The following CEP85L variants were observed in gnomAD, a reference collection of about 807,000 sequenced individuals.
The protein encoded by CEP85L is centrosomal protein 85L, also known as centrosomal protein of 85 kDa-like.
A neutral mutation model predicts 100.3 loss-of-function variants in CEP85L; 60 were observed. The ratio of observed to expected loss-of-function variants is 0.60; its 90% CI spans 0.49 to 0.74. CEP85L has a LOEUF of 0.74. Ranked by LOEUF, CEP85L falls within the 30% of genes least tolerant of loss-of-function variation. The pLI is 0.00. For missense variants in CEP85L, 973 were observed against 936.2 expected (o/e 1.04, Z -0.51); for synonymous variants, 319 against 322.7 (o/e 0.99, Z 0.12).
At chr6:118,680,244 G>A (rs1410035454) in intron 1 of CEP85L, among the ~76,000 whole-genome samples, 5 of 144,950 alleles carry the variant, frequency 3.4e-5, no homozygotes, top group Non-Finnish European at 6.0e-5. Context: ...AGTGAGCCCT[G>A]GTCATACCAC....
chr6:118,691,335 C>G (rs895119086), intron 1 of CEP85L, among the ~76,000 whole-genome samples: 1 of 151,968 alleles, frequency 6.6e-6, no homozygotes, highest in Non-Finnish European at 1.5e-5. Flanking sequence ...GAGTTCAAGA[C>G]CAGCCTGACC....
At chr6:118,650,437 G>A (rs961035571) in intron 1 of CEP85L, among the ~76,000 whole-genome samples, 2 of 152,148 alleles carry the variant, frequency 1.3e-5, no homozygotes, top group African/African-American at 4.8e-5. Context: ...ATGGCTGTCC[G>A]ATACAAACAG....
chr6:118,704,063 C>A (rs929422556), intron 1 of CEP85L, among the ~76,000 whole-genome samples: 1 of 152,092 alleles, frequency 6.6e-6, no homozygotes, highest in Non-Finnish European at 1.5e-5. Flanking sequence ...GCAAACTATA[C>A]CTGCCATGTA....
intron 2 of CEP85L, among the ~76,000 whole-genome samples, chr6:118,617,856 T>C (rs753188036): frequency 3.3e-5 from 5 of 152,096 alleles, no homozygotes; most frequent in Admixed American, 6.5e-5. Context: ...ACGCAGTGAG[T>C]ACCCTCGGAC....
chr6:118,600,370 T>G (rs7774527), intron 2 of CEP85L, among the ~76,000 whole-genome samples: 27,539 of 85,090 alleles, frequency 0.32, 6,358 homozygotes, highest in Middle Eastern at 0.37. Flanking sequence ...TGTGTGTGTG[T>G]AACGCCATGG....
intron 10 of CEP85L, among the ~76,000 whole-genome samples, chr6:118,474,611 C>T (rs1285582368): frequency 2.6e-5 from 4 of 152,144 alleles, no homozygotes. Context: ...GGGCTGCTGC[C>T]AGAACTCCCT....
intron 1 of CEP85L, among the ~76,000 whole-genome samples, chr6:118,691,547 A>G (rs1016443417): frequency 2.0e-5 from 3 of 150,236 alleles, no homozygotes; most frequent in Non-Finnish European, 4.4e-5. Context: ...AAAAAAAAAA[A>G]AAGAAAGAAA....
At chr6:118,472,139 G>C (rs1773007158) in intron 10 of CEP85L, among the ~76,000 whole-genome samples, 1 of 151,734 alleles carries the variant, frequency 6.6e-6, no homozygotes, top group South Asian at 2.1e-4. Context: ...ACAGAATACA[G>C]TCCTTTAAAA....
chr6:118,657,227 G>C (rs927389260), upstream of CEP85L: 3 of 152,372 alleles, frequency 2.0e-5, no homozygotes, highest in African/African-American at 2.4e-5. Flanking sequence ...CTGAGGATGA[G>C]TTACCAGGAA....
intron 2 of CEP85L, among the ~76,000 whole-genome samples, chr6:118,608,574 A>T (rs1398901771): frequency 1.3e-5 from 2 of 152,180 alleles, no homozygotes; most frequent in African/African-American, 4.8e-5. Flanking sequence ...TTTTAAAAGA[A>T]ATCAAAAGCT....
intron 2 of CEP85L, among the ~76,000 whole-genome samples, chr6:118,568,811 G>C (rs1199755552): frequency 2.6e-5 from 4 of 152,056 alleles, no homozygotes; most frequent in Non-Finnish European, 5.9e-5. Flanking sequence ...ATAGAAACAG[G>C]ACAGACGTCC....
intron 2 of CEP85L, among the ~76,000 whole-genome samples, chr6:118,577,247 T>A (rs1780295662): frequency 6.6e-6 from 1 of 152,158 alleles, no homozygotes; most frequent in Non-Finnish European, 1.5e-5. Context: ...CCCTTGTTCA[T>A]CCCCAAGCAG....
intron 3 of CEP85L, among the ~76,000 whole-genome samples, chr6:118,551,090 T>A (rs1216456193): frequency 1.3e-5 from 2 of 151,908 alleles, no homozygotes; most frequent in Non-Finnish European, 2.9e-5. Flanking sequence ...AAATCCAAGT[T>A]AACATCTCCT....
intron 1 of CEP85L, among the ~76,000 whole-genome samples, chr6:118,635,980 T>TATG (rs886862358): frequency 2.0e-5 from 3 of 152,184 alleles, no homozygotes; most frequent in African/African-American, 4.8e-5. Flanking sequence ...AACAGTTCAA[T>TATG]AAAACCTTTT....
At chr6:118,647,261 C>T (rs1481108889) in intron 1 of CEP85L, among the ~76,000 whole-genome samples, 5 of 152,212 alleles carry the variant, frequency 3.3e-5, no homozygotes, top group African/African-American at 1.2e-4. Context: ...GAACAAATGA[C>T]ATTTTTTCAG....
chr6:118,500,574 C>G (rs892219017), intron 5 of CEP85L, among the ~76,000 whole-genome samples: 1 of 133,346 alleles, frequency 7.5e-6, no homozygotes, highest in African/African-American at 2.8e-5. Context: ...ATTCAGAGGG[C>G]TGAAAAAGCT....
chr6:118,598,769 A>G (rs973947101), intron 2 of CEP85L, among the ~76,000 whole-genome samples: 1 of 152,176 alleles, frequency 6.6e-6, no homozygotes, highest in Non-Finnish European at 1.5e-5. Context: ...GTTTGTGGTA[A>G]TTTGTTATAG....
At chr6:118,616,433 G>A (rs1773050088) in intron 2 of CEP85L, among the ~76,000 whole-genome samples, 1 of 152,020 alleles carries the variant, frequency 6.6e-6, no homozygotes, top group South Asian at 2.1e-4. Flanking sequence ...TTGGGAGGCT[G>A]AAGCAGAAGG....
chr6:118,565,594 T>G lies in CEP85L; in HGVS notation c.955A>C (p.Ser319Arg), dbSNP rs1177860955. The change falls in exon 3 of 13, where the codon AGT becomes CGT. Residue 319 changes from serine (S) to arginine (R), a missense_variant. Ser to Arg is a moderately radical substitution (Grantham distance 110). Coordinates refer to ENST00000368491, the MANE Select transcript of CEP85L (RefSeq NM_001042475.3). ...TGCTGCTGTTGCCAAGGAGCTAAAC[T>G]GTAAGAATCCTCTGTATTTCTACCT... ...LEGRNTEDSY[S>R]LAPWQQQQIE... The G allele has an allele frequency of 1.2e-6, 2 of 1,614,194 alleles. No homozygotes were observed. The highest frequency in any genetic ancestry group is 4.5e-5 in the East Asian group (2 of 44,882).
Sources: allele counts gnomAD v4.1 joint callset (sites outside exome capture counted in the v4.1 genomes callset), GRCh38; gene constraint gnomAD v4.1.1; transcripts MANE v1.5; gene names NCBI Gene and HGNC (gene_info 2026-07-23, HGNC 2026-07-21).